DMD: variants seen among roughly 807,000 people sequenced by gnomAD.
The protein encoded by DMD is mutant dystrophin.
A neutral mutation model predicts 330.1 loss-of-function variants in DMD; 63 were observed. The observed-to-expected ratio is 0.19, with a 90% CI of 0.16 to 0.24. The LOEUF is 0.24. DMD is among the 10% of genes least tolerant of loss of function. The probability of loss-of-function intolerance (pLI) is 1.00; values close to 1 mark genes in which losing one functional copy is unlikely to be tolerated. For missense variants in DMD, 3,344 were observed against 2,684.1 expected (o/e 1.25, Z -5.43); for synonymous variants, 1,223 against 959.8 (o/e 1.27, Z -5.07).
At chrX:31,749,986 G>C (rs1414513227) in intron 51 of DMD, among the ~76,000 whole-genome samples, 1 of 108,368 alleles carries the variant, frequency 9.2e-6, no homozygotes, top group Non-Finnish European at 1.9e-5. Flanking sequence ...CTTTTGGATG[G>C]GGTTGTTTGT....
At chrX:31,661,230 G>C (rs769628668) in intron 53 of DMD, among the ~76,000 whole-genome samples, 1 of 112,184 alleles carries the variant, frequency 8.9e-6, no homozygotes, top group African/African-American at 3.2e-5. Flanking sequence ...TTGACTGAGT[G>C]CTAACCCTCA....
chrX:33,054,321 G>T (rs558789074), intron 1 of DMD, among the ~76,000 whole-genome samples: 1 of 111,457 alleles, frequency 9.0e-6, no homozygotes, highest in South Asian at 3.7e-4. Flanking sequence ...ACACCTATAT[G>T]CCTATATATA....
intron 44 of DMD, among the ~76,000 whole-genome samples, chrX:31,984,239 T>C (rs1314916421): frequency 8.9e-6 from 1 of 111,927 alleles, no homozygotes; most frequent in Non-Finnish European, 1.9e-5. Flanking sequence ...ACAATGTGGA[T>C]CAAAAAAGAA....
intron 7 of DMD, among the ~76,000 whole-genome samples, chrX:32,726,493 T>A (rs182455784): frequency 0.057 from 6,367 of 110,748 alleles, 227 homozygotes; most frequent in Non-Finnish European, 0.093. Context: ...GGCATAAAAA[T>A]ACAGCTATTA....
intron 18 of DMD, among the ~76,000 whole-genome samples, chrX:32,511,868 A>G (rs1395257416): frequency 9.0e-6 from 1 of 111,614 alleles, no homozygotes; most frequent in African/African-American, 3.3e-5. Context: ...TACTCAATAT[A>G]TGCTTAATAT....
intron 1 of DMD, among the ~76,000 whole-genome samples, chrX:33,330,637 A>C (rs2054159307): frequency 8.9e-6 from 1 of 111,978 alleles, no homozygotes; most frequent in Admixed American, 9.5e-5. Context: ...TGCTAGCTTT[A>C]ATCATATTTA....
At chrX:31,680,669 C>A (rs1031995509) in intron 52 of DMD, among the ~76,000 whole-genome samples, 3 of 110,899 alleles carry the variant, frequency 2.7e-5, no homozygotes, top group Non-Finnish European at 5.7e-5. Context: ...TGAGCCACCG[C>A]GCCTGGCCAA....
chrX:31,708,005 T>C (rs190219547), intron 52 of DMD, among the ~76,000 whole-genome samples: 25 of 112,196 alleles, frequency 2.2e-4, no homozygotes, highest in African/African-American at 8.1e-4. Context: ...AATTTATATG[T>C]TCCAGACAGT....
At chrX:31,713,576 T>C (rs1166350396) in intron 52 of DMD, among the ~76,000 whole-genome samples, 1 of 111,995 alleles carries the variant, frequency 8.9e-6, no homozygotes, top group Non-Finnish European at 1.9e-5. Context: ...AATGAAGTAA[T>C]GAACAATGAA....
chrX:33,139,879 A>T (rs184961873), intron 1 of DMD, among the ~76,000 whole-genome samples: 141 of 108,145 alleles, frequency 1.3e-3, no homozygotes, highest in South Asian at 2.8e-3. Flanking sequence ...AAAAAAAAAA[A>T]AAAAAAAAAA....
At chrX:31,323,449 A>G in intron 62 of DMD, 149 bp downstream of exon 62, 1 of 536,929 alleles carries the variant, frequency 1.9e-6, no homozygotes, top group Non-Finnish European at 3.1e-6. Context: ...TAATTTTAGA[A>G]TAAGTTTTTT....
rs977872481 is a variant in DMD, at chrX:31,192,021, G to T, written c.9808-9117C>A. On this transcript the variant is annotated intron_variant, in intron 67 of 78. Transcript: ENST00000357033. ...ACTACAAGGAGAACGGTTAGTCAGG[G>T]TCAGACAGTATAGGACAGGCAGTCC... Among the ~76,000 whole-genome samples, 4 of 112,305 alleles carry T rather than the reference G, an allele frequency of 3.6e-5. No individual in the cohort carries two copies. In the East Asian group the frequency reaches 1.1e-3, roughly 31 times the overall value.
intron 52 of DMD, among the ~76,000 whole-genome samples, chrX:31,720,622 A>C (rs2085396327): frequency 9.0e-6 from 1 of 110,567 alleles, no homozygotes; most frequent in African/African-American, 3.4e-5. Context: ...CAAAAAAGGA[A>C]GAAAAACTAT....
At chrX:32,096,332 C>T (rs1206779878) in intron 44 of DMD, among the ~76,000 whole-genome samples, 1 of 111,436 alleles carries the variant, frequency 9.0e-6, no homozygotes, top group East Asian at 2.8e-4. Flanking sequence ...AAATACAACT[C>T]TATGCTGCCT....
intron 61 of DMD, among the ~76,000 whole-genome samples, chrX:31,325,322 A>T (rs2056702983): frequency 9.1e-6 from 1 of 110,112 alleles, no homozygotes; most frequent in Admixed American, 9.7e-5. Context: ...GGCTAAGGCC[A>T]GGCGTGGTGG....
chrX:32,836,700 T>C (rs999811562), intron 4 of DMD, among the ~76,000 whole-genome samples: 1 of 111,890 alleles, frequency 8.9e-6, no homozygotes, highest in African/African-American at 3.2e-5. Flanking sequence ...TATGGAATGC[T>C]TTTTCCTTCA....
intron 9 of DMD, among the ~76,000 whole-genome samples, chrX:32,649,398 C>T (rs774480821): frequency 9.3e-6 from 1 of 107,184 alleles, no homozygotes; most frequent in Admixed American, 1.0e-4. Context: ...ACTAAAAATA[C>T]AAAAAATTAG....
At chrX:33,154,681 T>A (rs926910424) in intron 1 of DMD, among the ~76,000 whole-genome samples, 7 of 111,581 alleles carry the variant, frequency 6.3e-5, no homozygotes, top group African/African-American at 2.3e-4. Flanking sequence ...TATACTGACC[T>A]TTGGTTGTAG....
At chrX:32,252,719 T>A (rs866142957) in intron 43 of DMD, among the ~76,000 whole-genome samples, 2 of 44,339 alleles carry the variant, frequency 4.5e-5, no homozygotes, top group Admixed American at 5.0e-4. Context: ...TATATAAATA[T>A]ATATAAATAT....
Sources: allele counts gnomAD v4.1 joint callset (sites outside exome capture counted in the v4.1 genomes callset), GRCh38; gene constraint gnomAD v4.1.1; transcripts MANE v1.5; gene names NCBI Gene and HGNC (gene_info 2026-07-23, HGNC 2026-07-21).